Variants in ZNF727 observed in about 807,000 individuals in gnomAD.
ZNF727 encodes zinc finger protein 727, also known as putative zinc finger protein 727.
ZNF727 carries 11 observed loss-of-function variants against 11.5 expected under a neutral mutation model. The ratio of observed to expected loss-of-function variants is 0.95; its 90% CI spans 0.60 to 1.58. ZNF727 has a LOEUF of 1.58. Ranked by LOEUF, ZNF727 falls within the 40% of genes most tolerant of loss-of-function variation. ZNF727 has a pLI of 0.00. For synonymous variants in ZNF727, 171 were observed against 196.1 expected (o/e 0.87, Z 1.07); for missense variants, 533 against 581.7 (o/e 0.92, Z 0.86).
intron 1 of ZNF727, among the ~76,000 whole-genome samples, chr7:64,047,463 C>A (rs1240981092): frequency 6.6e-6 from 1 of 152,220 alleles, no homozygotes; most frequent in Admixed American, 6.5e-5. Flanking sequence ...GCACGCGCGC[C>A]TTCCCAGCAT....
intron 1 of ZNF727, among the ~76,000 whole-genome samples, chr7:64,054,558 C>G (rs1789653467): frequency 6.6e-6 from 1 of 152,168 alleles, no homozygotes; most frequent in African/African-American, 2.4e-5. Flanking sequence ...AGGGAATAAC[C>G]TCAGAAATAT....
At chr7:64,076,114 A>AT (rs1378879373) in intron 3 of ZNF727, among the ~76,000 whole-genome samples, 1 of 151,910 alleles carries the variant, frequency 6.6e-6, no homozygotes, top group Non-Finnish European at 1.5e-5. Flanking sequence ...TTTGTGTATA[A>AT]TTTTTTATGC....
At chr7:64,066,459 G>T (rs1402195970) in intron 1 of ZNF727, among the ~76,000 whole-genome samples, 4 of 150,890 alleles carry the variant, frequency 2.7e-5, no homozygotes, top group Non-Finnish European at 4.4e-5. Context: ...CAGATATATA[G>T]ACCAATGGAA....
chr7:64,052,976 C>T (rs1293301363), intron 1 of ZNF727, among the ~76,000 whole-genome samples: 1 of 152,188 alleles, frequency 6.6e-6, no homozygotes, highest in African/African-American at 2.4e-5. Flanking sequence ...AAGTAACTAA[C>T]TTGCTTTTTG....
chr7:64,053,215 G>A (rs1789629842), intron 1 of ZNF727, among the ~76,000 whole-genome samples: 1 of 152,156 alleles, frequency 6.6e-6, no homozygotes, highest in African/African-American at 2.4e-5. Flanking sequence ...ATGTAGGAGG[G>A]ACCTGGTGGG....
chr7:64,081,472 G>A lies in ZNF727; in HGVS notation c.*2923G>A. On this transcript the variant is annotated 3_prime_UTR_variant, in exon 4 of 4. Transcript: ENST00000456806. ...GCCAAACTCACCTTTGCAGACATGT[G>A]CCAGCAAAGTAATATGGGGAGTTGC... Among the ~76,000 whole-genome samples the A allele has an allele frequency of 6.6e-6, 1 of 152,078 alleles. No individual in the cohort carries two copies. The highest frequency in any genetic ancestry group is 2.1e-4 in the South Asian group (1 of 4,814).
At chr7:64,069,147 GT>G (rs1789918870) in intron 2 of ZNF727, 130 bp downstream of exon 2, 2 of 953,938 alleles carry the variant, frequency 2.1e-6, no homozygotes, top group Non-Finnish European at 1.5e-6. Flanking sequence ...TTGGGTATCT[GT>G]TTAGGTAGTA....
At position 64,063,348 on chromosome 7, in the gene ZNF727, C is replaced by T. The variant is rs185608182; in HGVS notation, c.4-5543C>T. On this transcript the variant is annotated intron_variant, in intron 1 of 3. Transcript: ENST00000456806. ...TATCTGCATTAGGGGACACCCCAACCTGAATAACACTGTGATGCTTGCAGA... is the reference window on the plus strand; with the variant it reads ...TATCTGCATTAGGGGACACCCCAACTTGAATAACACTGTGATGCTTGCAGA... Among the ~76,000 whole-genome samples the T allele has an allele frequency of 3.1e-3, 476 of 151,806 alleles. 4 individuals are homozygous for T. The highest frequency in any genetic ancestry group is 6.2e-3 in the East Asian group (32 of 5,172).
intron 1 of ZNF727, among the ~76,000 whole-genome samples, chr7:64,050,389 C>G (rs894653186): frequency 1.3e-5 from 2 of 152,036 alleles, no homozygotes; most frequent in Non-Finnish European, 2.9e-5. Flanking sequence ...CCCACAACTT[C>G]CGGGGCTTCA....
chr7:64,046,341 C>A (rs2116257679), intron 1 of ZNF727, among the ~76,000 whole-genome samples: 1 of 152,272 alleles, frequency 6.6e-6, no homozygotes, highest in African/African-American at 2.4e-5. Flanking sequence ...TAAATTGAGG[C>A]ATCTTTAGGA....
chr7:64,052,517 A>G (rs1789618762), intron 1 of ZNF727, among the ~76,000 whole-genome samples: 1 of 151,786 alleles, frequency 6.6e-6, no homozygotes. Flanking sequence ...GGCCCTCCTC[A>G]TGGAGAACAT....
intron 1 of ZNF727, among the ~76,000 whole-genome samples, chr7:64,046,677 TC>T (rs1340089615): frequency 1.3e-5 from 2 of 152,242 alleles, no homozygotes; most frequent in Non-Finnish European, 1.5e-5. Flanking sequence ...AGCCAGTTAA[TC>T]CTCTTTCTTA....
intron 1 of ZNF727, among the ~76,000 whole-genome samples, chr7:64,047,065 T>A (rs1789520068): frequency 6.6e-6 from 1 of 152,146 alleles, no homozygotes; most frequent in African/African-American, 2.4e-5. Flanking sequence ...CAGAGCATCA[T>A]GGCCATTTCA....
At position 64,084,766 on chromosome 7, in the gene ZNF727, A is replaced by G. The variant is rs1433031624; in HGVS notation, c.*6217A>G. Among the ~76,000 whole-genome samples the G allele has an allele frequency of 1.3e-5, 2 of 152,202 alleles. No individual in the cohort carries two copies. The highest frequency in any genetic ancestry group is 6.5e-5 in the Admixed American group (1 of 15,290). On this transcript the variant is annotated 3_prime_UTR_variant, in exon 4 of 4. Coordinates refer to ENST00000456806, the MANE Select transcript of ZNF727 (RefSeq NM_001159522.3). ...GATTTACATCAATTTAAATATACAA[A>G]TGTATCACTGTAAAATAAACTTTAA...
At chr7:64,052,050 G>A (rs945777000) in intron 1 of ZNF727, among the ~76,000 whole-genome samples, 2 of 152,168 alleles carry the variant, frequency 1.3e-5, no homozygotes, top group African/African-American at 4.8e-5. Context: ...TAGAAGGAAA[G>A]GCATGGTTTT....
At chr7:64,068,180 CGAGTT>C (rs1248193999) in intron 1 of ZNF727, among the ~76,000 whole-genome samples, 4 of 151,988 alleles carry the variant, frequency 2.6e-5, no homozygotes, top group Non-Finnish European at 4.4e-5. Flanking sequence ...TTTTTTCACT[CGAGTT>C]AATTATTATA....
intron 1 of ZNF727, among the ~76,000 whole-genome samples, chr7:64,056,341 A>G (rs1248230397): frequency 2.0e-5 from 3 of 152,194 alleles, no homozygotes; most frequent in Non-Finnish European, 4.4e-5. Context: ...AACTCGTGAC[A>G]TCAAAATACA....
At position 64,068,877 on chromosome 7, in the gene ZNF727, GTT is replaced by G. The variant is rs779761857; in HGVS notation, c.4-11_4-10del. ...ATTTCTTTGGTCACTTGGTAAATATGTTTTGTTTTTCAGCGAGTGCTAACATT... is the reference window on the plus strand; with the variant it reads ...ATTTCTTTGGTCACTTGGTAAATATGTTGTTTTTCAGCGAGTGCTAACATT... On this transcript the variant is annotated splice_polypyrimidine_tract_variant and intron_variant, in intron 1 of 3. Coordinates refer to ENST00000456806, the MANE Select transcript of ZNF727 (RefSeq NM_001159522.3). 6.4e-7 allele frequency: 1 copy of G among 1,574,596 alleles called. No homozygotes were observed. Among genetic ancestry groups the G allele is most frequent in the South Asian group, 1.1e-5 (1 of 86,980 alleles).
chr7:64,046,518 G>T (rs146660770), intron 1 of ZNF727, among the ~76,000 whole-genome samples: 36 of 152,280 alleles, frequency 2.4e-4, no homozygotes, highest in Middle Eastern at 3.4e-3. Flanking sequence ...TGAGTTCCCT[G>T]AAGTTCTTAT....
Sources: allele counts gnomAD v4.1 joint callset (sites outside exome capture counted in the v4.1 genomes callset), GRCh38; gene constraint gnomAD v4.1.1; transcripts MANE v1.5; gene names NCBI Gene and HGNC (gene_info 2026-07-23, HGNC 2026-07-21).